Variants in STARD13 observed in about 807,000 individuals in gnomAD.
The protein encoded by STARD13 is stAR-related lipid transfer protein 13.
A neutral mutation model predicts 106.4 loss-of-function variants in STARD13; 62 were observed. That is an observed-to-expected ratio of 0.58 (90% CI 0.48 to 0.72). The LOEUF (loss-of-function observed/expected upper bound fraction) is 0.72, where lower values mean the gene tolerates loss of function less well. Among genes scored for constraint, STARD13 ranks in the 30% least tolerant of loss-of-function variants. STARD13 has a pLI of 0.00. For missense variants in STARD13, 1,387 were observed against 1,424.0 expected (o/e 0.97, Z 0.42); for synonymous variants, 565 against 553.0 (o/e 1.02, Z -0.31).
chr13:33,132,205 C>T (rs774758264), intron 4 of STARD13, among the ~76,000 whole-genome samples: 2 of 152,120 alleles, frequency 1.3e-5, no homozygotes, highest in African/African-American at 2.4e-5. Flanking sequence ...AAGTCAGGTG[C>T]GGTGGCTGAT....
chr13:33,588,482 TA>T, the STARD13 span, among the ~76,000 whole-genome samples: 1 of 152,160 alleles, frequency 6.6e-6, no homozygotes, highest in African/African-American at 2.4e-5. Context: ...CAAACTACTG[TA>T]AAAAAGCCAT....
At chr13:33,239,974 T>C (rs1889386876) in intron 1 of STARD13, among the ~76,000 whole-genome samples, 1 of 152,194 alleles carries the variant, frequency 6.6e-6, no homozygotes, top group South Asian at 2.1e-4. Flanking sequence ...GCAAATCCAA[T>C]GTCATTAAGC....
chr13:33,161,870 G>A (rs1313579195), intron 3 of STARD13, among the ~76,000 whole-genome samples: 2 of 152,158 alleles, frequency 1.3e-5, no homozygotes, highest in Non-Finnish European at 2.9e-5. Flanking sequence ...GTGGTGACAA[G>A]AGAAAATGAG....
At chr13:33,466,386 C>T in the STARD13 span, among the ~76,000 whole-genome samples, 1 of 152,096 alleles carries the variant, frequency 6.6e-6, no homozygotes, top group Non-Finnish European at 1.5e-5. Context: ...CCCTGCATCC[C>T]TCTCCTATTT....
chr13:33,124,823 C>A (rs567284376), intron 7 of STARD13, among the ~76,000 whole-genome samples: 11 of 152,230 alleles, frequency 7.2e-5, no homozygotes, highest in African/African-American at 2.4e-4. Flanking sequence ...AGAAGAGAAC[C>A]CTAGAAAAGT....
the STARD13 span, among the ~76,000 whole-genome samples, chr13:33,518,015 CA>C: frequency 6.8e-6 from 1 of 147,832 alleles, no homozygotes; most frequent in Non-Finnish European, 1.5e-5. Flanking sequence ...AAACAAACAA[CA>C]ACAACAACAA....
chr13:33,149,537 C>T (rs1221131190), intron 3 of STARD13, among the ~76,000 whole-genome samples: 1 of 152,200 alleles, frequency 6.6e-6, no homozygotes, highest in Admixed American at 6.5e-5. Context: ...TCACTGAAGA[C>T]ATCTTAGACA....
the STARD13 span, among the ~76,000 whole-genome samples, chr13:33,561,634 G>A: frequency 8.3e-6 from 1 of 120,332 alleles, no homozygotes; most frequent in African/African-American, 3.0e-5. Flanking sequence ...ACCATGAACA[G>A]CCGTGAATAA....
intron 1 of STARD13, among the ~76,000 whole-genome samples, chr13:33,270,531 G>T (rs1027455737): frequency 2.0e-5 from 3 of 152,150 alleles, no homozygotes; most frequent in South Asian, 2.1e-4. Context: ...AGAATAGTAG[G>T]AGCTAATAGT....
Position 33,133,858 on chromosome 13 carries a change from A to C in STARD13, c.388-3569T>G, listed in dbSNP as rs138759240. On this transcript the variant is annotated intron_variant, in intron 4 of 13. Coordinates refer to ENST00000336934, the MANE Select transcript of STARD13 (RefSeq NM_178006.4). Reference sequence around the variant, plus strand: ...AGGTTTTTTTACGCACTTGGGACCCAGCAGAGCATCAGGCACATTTCAGAC... The same window carrying C: ...AGGTTTTTTTACGCACTTGGGACCCCGCAGAGCATCAGGCACATTTCAGAC... Among the ~76,000 whole-genome samples, 277 of 152,326 alleles carry C rather than the reference A, an allele frequency of 1.8e-3. 1 individual carries two copies. The highest frequency in any genetic ancestry group is 3.4e-3 in the Non-Finnish European group (234 of 68,028).
chr13:33,333,634 T>G (rs535331016), intron 1 of STARD13: 1 of 152,316 alleles, frequency 6.6e-6, no homozygotes, highest in South Asian at 2.1e-4. Flanking sequence ...AGAGGTAAAC[T>G]GAGGAGGAAC....
chr13:33,570,209 G>C, the STARD13 span, among the ~76,000 whole-genome samples: 3 of 147,802 alleles, frequency 2.0e-5, no homozygotes, highest in East Asian at 6.1e-4. Context: ...TATCAATAAA[G>C]GCATCTATGA....
intron 1 of STARD13, among the ~76,000 whole-genome samples, chr13:33,273,732 T>G (rs1346396067): frequency 6.6e-6 from 1 of 152,206 alleles, no homozygotes; most frequent in African/African-American, 2.4e-5. Context: ...AGTTTTTAAG[T>G]TGTCAAGTGG....
chr13:33,227,751 A>C (rs1888698416), intron 1 of STARD13, among the ~76,000 whole-genome samples: 1 of 152,132 alleles, frequency 6.6e-6, no homozygotes, highest in Admixed American at 6.5e-5. Context: ...AATGAGGCAC[A>C]CTTCCCTCAC....
the STARD13 span, among the ~76,000 whole-genome samples, chr13:33,608,673 T>C: frequency 1.3e-5 from 2 of 152,020 alleles, no homozygotes; most frequent in African/African-American, 2.4e-5. Flanking sequence ...AAAAGTTAAA[T>C]CCCTATTTCA....
At chr13:33,421,550 A>G in the STARD13 span, among the ~76,000 whole-genome samples, 2 of 152,230 alleles carry the variant, frequency 1.3e-5, no homozygotes, top group Non-Finnish European at 2.9e-5. Context: ...TTCTGAAACT[A>G]TTCCAATCAA....
At chr13:33,140,973 G>T (rs1879749822) in intron 4 of STARD13, among the ~76,000 whole-genome samples, 1 of 152,230 alleles carries the variant, frequency 6.6e-6, no homozygotes, top group Admixed American at 6.5e-5. Context: ...GGTCAGGCTG[G>T]TCTCTAACTC....
the STARD13 span, among the ~76,000 whole-genome samples, chr13:33,676,314 G>T: frequency 6.6e-6 from 1 of 152,140 alleles, no homozygotes; most frequent in Non-Finnish European, 1.5e-5. Flanking sequence ...TATGGGATTG[G>T]ACCTGCACCC....
At chr13:33,362,277 C>T in the STARD13 span, among the ~76,000 whole-genome samples, 5 of 152,090 alleles carry the variant, frequency 3.3e-5, no homozygotes, top group Admixed American at 2.0e-4. Flanking sequence ...GAGGGACAAC[C>T]AGCGCTTGTG....
Sources: gnomAD v4.1 joint callset for allele counts (sites outside exome capture counted in the v4.1 genomes callset) on GRCh38, gnomAD v4.1.1 for gene constraint, MANE v1.5 for transcripts, NCBI Gene and HGNC (gene_info 2026-07-23, HGNC 2026-07-21) for gene names.